The following GJC3 variants were observed in gnomAD, a reference collection of about 807,000 sequenced individuals.
GJC3 encodes gap junction gamma-3 protein.
GJC3 carries 17 observed loss-of-function variants against 19.8 expected under a neutral mutation model. The observed-to-expected ratio is 0.86, with a 90% confidence interval of 0.59 to 1.29. GJC3 has a LOEUF of 1.29. GJC3 is among the 50% of genes most tolerant of loss of function. The pLI, the probability that GJC3 is intolerant of heterozygous loss-of-function variation, is 0.00. For synonymous variants in GJC3, 140 were observed against 136.5 expected, an observed-to-expected ratio of 1.03 and a Z score of -0.18; for missense variants, 317 against 332.5, an observed-to-expected ratio of 0.95 and a Z score of 0.36.
chr7:99,926,396 A>G (rs1819800585), intron 1 of GJC3, among the ~76,000 whole-genome samples: 1 of 152,178 alleles, frequency 6.6e-6, no homozygotes, highest in African/African-American at 2.4e-5. Flanking sequence ...GAGCCAAAAA[A>G]TGGAAACAAC....
At chr7:99,924,931 T>C (rs1421983652) in intron 1 of GJC3, among the ~76,000 whole-genome samples, 1 of 152,212 alleles carries the variant, frequency 6.6e-6, no homozygotes, top group African/African-American at 2.4e-5. Flanking sequence ...TCAATCATTC[T>C]CATTTCTCTA....
At chr7:99,924,285 C>T (rs1156714114) in intron 1 of GJC3, among the ~76,000 whole-genome samples, 1 of 152,106 alleles carries the variant, frequency 6.6e-6, no homozygotes, top group Non-Finnish European at 1.5e-5. Flanking sequence ...TATGTGCAGC[C>T]CATGCCTAAA....
chr7:99,924,247 C>G (rs1288083174), intron 1 of GJC3, among the ~76,000 whole-genome samples: 7 of 152,172 alleles, frequency 4.6e-5, no homozygotes, highest in African/African-American at 1.7e-4. Context: ...TTCCCCTCCC[C>G]CTATTTTACT....
intron 1 of GJC3, among the ~76,000 whole-genome samples, chr7:99,926,979 C>T (rs184485121): frequency 4.2e-4 from 64 of 152,340 alleles, no homozygotes; most frequent in Middle Eastern, 3.4e-3. Context: ...TTCAAGGGCA[C>T]GGATACACAA....
chr7:99,923,619 A>G lies in GJC3; in HGVS notation c.782-16T>C. 1 of 780,790 alleles carries G rather than the reference A, an allele frequency of 1.3e-6. No individual in the cohort carries two copies. Among genetic ancestry groups the G allele is most frequent in the Non-Finnish European group, 2.4e-6 (1 of 417,982 alleles). 48.4% of individuals were successfully genotyped at this position (780,790 alleles called of 1,614,324 possible). ...CTTCCTGGAACTTTTTAAAACAAAA[A>G]TTCAAGATGTAACAGTTACAAGTGT... On this transcript the variant is annotated splice_polypyrimidine_tract_variant and intron_variant, in intron 1 of 1. Transcript: ENST00000312891.
In GJC3 at chr7:99,926,629, A is replaced by G. The variant is rs1397794360; in HGVS notation, c.781+2211T>C. On this transcript the variant is annotated intron_variant, in intron 1 of 1. Transcript: ENST00000312891. Reference sequence around the variant, plus strand: ...TTTGTATGAAAGAGTAGGAAAACCAATAGAGACAAAACCATATGATGGTTG... The same window carrying G: ...TTTGTATGAAAGAGTAGGAAAACCAGTAGAGACAAAACCATATGATGGTTG... Among the ~76,000 whole-genome samples the G allele has an allele frequency of 3.9e-5, 6 of 152,368 alleles. No homozygotes were observed. The East Asian group carries it at 1.2e-3, about 29-fold the overall frequency.
Position 99,928,957 on chromosome 7 carries a change from A to G in GJC3, c.664T>C (p.Trp222Arg), listed in dbSNP as rs762525688. The change falls in exon 1 of 2, where the codon TGG becomes CGG. Residue 222 changes from tryptophan to arginine, a missense_variant. Trp to Arg is a moderately radical substitution (Grantham distance 101). Coordinates refer to ENST00000312891, the MANE Select transcript of GJC3 (RefSeq NM_181538.3). ...LLGLGRWWRT[W>R]KHKSSSSKYF... Reference sequence around the variant, plus strand: ...TTAGAAGAGGAAGATTTGTGCTTCCAGGTCCTCCACCATCTCCCCAAACCC... The same window carrying G: ...TTAGAAGAGGAAGATTTGTGCTTCCGGGTCCTCCACCATCTCCCCAAACCC... 7 of 1,614,054 alleles carry G rather than the reference A, an allele frequency of 4.3e-6. No homozygotes were observed. The highest frequency in any genetic ancestry group is 4.0e-5 in the African/African-American group (3 of 74,916).
At chr7:99,930,731 T>G (rs1432968387), upstream of GJC3, among the ~76,000 whole-genome samples, 1 of 152,212 alleles carries the variant, frequency 6.6e-6, no homozygotes, top group East Asian at 1.9e-4. Context: ...GATTTCACTT[T>G]CTACAGTTTC....
intron 1 of GJC3, among the ~76,000 whole-genome samples, chr7:99,925,376 A>G (rs1819773016): frequency 1.3e-5 from 2 of 152,224 alleles, no homozygotes; most frequent in South Asian, 2.1e-4. Flanking sequence ...ATCTTACACC[A>G]TACACAAAAA....
In GJC3 at chr7:99,923,555, C is replaced by G. The variant is rs201992631; in HGVS notation, c.830G>C (p.Arg277Thr). ...AAGTTCATCTCCAACTCAGGCATCT[C>G]TGGGTCCAACTGGTCTTTGTTTTTC... ...AQEKQRPVGP[R>T]DA The change falls in exon 2 of 2, where the codon AGA becomes ACA. Residue 277 changes from arginine to threonine, a missense_variant. By Grantham distance (71) the Arg-to-Thr change is moderately conservative. Transcript: ENST00000312891. 7 of 780,882 alleles carry G rather than the reference C, an allele frequency of 9.0e-6. No homozygotes were observed. The highest frequency in any genetic ancestry group is 1.7e-5 in the Non-Finnish European group (7 of 418,120). The allele number at this position is 780,882 out of a possible 1,614,324, so 48.4% of individuals were successfully genotyped here. A position where few individuals can be genotyped will look rare whatever the true frequency, so the allele number is the denominator to read the frequency against.
intron 1 of GJC3, 58 bp downstream of exon 1, chr7:99,928,782 G>A (rs138044752): frequency 3.0e-4 from 465 of 1,533,968 alleles, no homozygotes; most frequent in Non-Finnish European, 4.0e-4. Flanking sequence ...GACCTGCCCC[G>A]GGAGGAGATC....
chr7:99,924,517 G>A (rs1819752691), intron 1 of GJC3, among the ~76,000 whole-genome samples: 1 of 152,208 alleles, frequency 6.6e-6, no homozygotes, highest in Non-Finnish European at 1.5e-5. Flanking sequence ...GAACCTGGGA[G>A]GCAGAGATTG....
chr7:99,926,333 CAAAA>C (rs544473016), intron 1 of GJC3, among the ~76,000 whole-genome samples: 1 of 97,236 alleles, frequency 1.0e-5, no homozygotes, highest in Non-Finnish European at 2.2e-5. Flanking sequence ...GACTCCATCC[CAAAA>C]AAAAAAAAAA....
intron 1 of GJC3, among the ~76,000 whole-genome samples, chr7:99,925,278 G>A (rs552722052): frequency 6.6e-6 from 1 of 152,122 alleles, no homozygotes; most frequent in South Asian, 2.1e-4. Context: ...AACCTACTAT[G>A]TACCCATTTA....
intron 1 of GJC3, among the ~76,000 whole-genome samples, chr7:99,924,099 T>G (rs540611818): frequency 1.2e-3 from 176 of 152,332 alleles, no homozygotes; most frequent in African/African-American, 3.9e-3. Context: ...ATGGAAATTT[T>G]AGAACGGGAA....
chr7:99,927,715 A>T (rs922820979), intron 1 of GJC3, among the ~76,000 whole-genome samples: 5 of 152,146 alleles, frequency 3.3e-5, no homozygotes, highest in African/African-American at 9.7e-5. Flanking sequence ...TTCAGATTGC[A>T]GTTACCCGCC....
intron 1 of GJC3, among the ~76,000 whole-genome samples, chr7:99,927,846 G>A (rs1177649506): frequency 6.6e-6 from 1 of 152,176 alleles, no homozygotes; most frequent in African/African-American, 2.4e-5. Context: ...TAGGAACTTG[G>A]TCCAGCATGA....
chr7:99,929,112 C>A lies in GJC3; in HGVS notation c.509G>T (p.Arg170Leu), dbSNP rs755056506. Residue 170 changes from arginine (R) to leucine (L), a missense_variant, in exon 1 of 2, where the codon CGC (arginine) becomes CTC (leucine). Arg to Leu is a moderately radical substitution (Grantham distance 102). Coordinates refer to ENST00000312891, the MANE Select transcript of GJC3 (RefSeq NM_181538.3). The part of the protein sequence containing the change: ...GFQMPSSFAC[R>L]REPCLGSITC... Reference sequence around the variant, plus strand: ...TATACTACCAAGGCAAGGTTCTCGGCGACATGCAAAGGAGCTGGGCATCTG... The same window carrying A: ...TATACTACCAAGGCAAGGTTCTCGGAGACATGCAAAGGAGCTGGGCATCTG... 3.7e-6 allele frequency: 6 copies of A among 1,613,702 alleles called. 1 individual carries two copies. Among genetic ancestry groups the A allele is most frequent in the Middle Eastern group, 3.3e-4 (2 of 6,084 alleles).
intron 1 of GJC3, among the ~76,000 whole-genome samples, chr7:99,924,038 G>A (rs1171137873): frequency 2.0e-5 from 3 of 152,140 alleles, no homozygotes; most frequent in Non-Finnish European, 4.4e-5. Flanking sequence ...CTATTCAAAT[G>A]GAAAGTTTAA....
Sources: gnomAD v4.1 joint callset for allele counts (sites outside exome capture counted in the v4.1 genomes callset) on GRCh38, gnomAD v4.1.1 for gene constraint, MANE v1.5 for transcripts, NCBI Gene and HGNC (gene_info 2026-07-23, HGNC 2026-07-21) for gene names.